The following NFASC variants were observed in gnomAD, a reference collection of about 807,000 sequenced individuals.
The protein encoded by NFASC is neurofascin homolog.
A neutral mutation model predicts 147.5 loss-of-function variants in NFASC; 43 were observed. The observed-to-expected ratio is 0.29, with a 90% CI of 0.23 to 0.38. The LOEUF is 0.38. Among genes scored for constraint, NFASC ranks in the 10% least tolerant of loss-of-function variants. The probability of loss-of-function intolerance (pLI) is 1.00; values close to 1 mark genes in which losing one functional copy is unlikely to be tolerated. For missense variants in NFASC, 1,320 were observed against 1,689.0 expected (o/e 0.78, Z 3.83); for synonymous variants, 622 against 665.5 (o/e 0.93, Z 1.01).
chr1:204,996,180 C>A (rs2095842674), intron 24 of NFASC, among the ~76,000 whole-genome samples: 1 of 152,178 alleles, frequency 6.6e-6, no homozygotes, highest in Admixed American at 6.5e-5. Flanking sequence ...CCCAAGCTGA[C>A]CAACATCCAA....
At chr1:204,876,129 C>T (rs2078742418) in intron 1 of NFASC, among the ~76,000 whole-genome samples, 1 of 152,088 alleles carries the variant, frequency 6.6e-6, no homozygotes, top group Non-Finnish European at 1.5e-5. Context: ...GGTTTTTTCT[C>T]AACTTTGAAA....
intron 1 of NFASC, among the ~76,000 whole-genome samples, chr1:204,891,505 A>G (rs1455286592): frequency 6.6e-6 from 1 of 152,152 alleles, no homozygotes; most frequent in Non-Finnish European, 1.5e-5. Flanking sequence ...GCTAGAAGCA[A>G]GAGGTGCAGG....
At chr1:204,946,786 C>A (rs2093776503) in intron 3 of NFASC, 2 of 514,144 alleles carry the variant, frequency 3.9e-6, no homozygotes, top group Admixed American at 2.0e-5. Context: ...AGGCCCCCAC[C>A]ATCCCTGGGC....
In NFASC at chr1:204,830,018, T is replaced by TGTGTGTGC. The variant is rs1353905656; in HGVS notation, c.-200+1243_-200+1244insCGTGTGTG. Among the ~76,000 whole-genome samples the TGTGTGTGC allele has an allele frequency of 1.3e-3, 196 of 146,224 alleles. 1 individual carries two copies. The highest frequency in any genetic ancestry group is 4.7e-3 in the African/African-American group (188 of 40,240). Reference sequence around the variant, plus strand: ...CATTTTGGCATGGGGTGTGTGTGTGTGTGTGTGTGTGTGTGTGTGTGTGTG... The same window carrying TGTGTGTGC: ...CATTTTGGCATGGGGTGTGTGTGTGTGTGTGTGCGTGTGTGTGTGTGTGTGTGTGTGTG... On this transcript the variant is annotated intron_variant, in intron 1 of 29. Coordinates refer to ENST00000339876, the MANE Select transcript of NFASC (RefSeq NM_001005388.3).
intron 24 of NFASC, among the ~76,000 whole-genome samples, chr1:204,996,114 T>A (rs914136385): frequency 2.0e-5 from 3 of 152,070 alleles, no homozygotes; most frequent in Non-Finnish European, 2.9e-5. Flanking sequence ...TCCATGACCT[T>A]CTATATCAGG....
At position 204,997,349 on chromosome 1, in the gene NFASC, A is replaced by ACCACCACCAAGGAGAGTCCTC. The variant is rs1383136262; in HGVS notation, c.2971_2972insAGGAGAGTCCTCCCACCACCA (p.Thr990_Thr991insLysGluSerProProThrThr). 3.2e-6 allele frequency: 5 copies of ACCACCACCAAGGAGAGTCCTC among 1,558,188 alleles called. No individual in the cohort carries two copies. The Admixed American group carries it at 7.8e-5, about 24-fold the overall frequency. On this transcript the variant is annotated inframe_insertion, in exon 25 of 30. Coordinates refer to ENST00000339876, the MANE Select transcript of NFASC (RefSeq NM_001005388.3). ...AACTACTACAACCACTGCTGCCGCC[A>ACCACCACCAAGGAGAGTCCTC]CCACCACCACGGAGAGTCCTCCCAC...
chr1:204,954,361 A>G lies in NFASC; in HGVS notation c.389A>G (p.Asn130Ser), dbSNP rs376957828. 7 of 1,614,124 alleles carry G rather than the reference A, an allele frequency of 4.3e-6. No individual in the cohort carries two copies. The highest frequency in any genetic ancestry group is 1.1e-5 in the South Asian group (1 of 91,078). ...AACAAATTTGGCACGGCCCTGTCCA[A>G]TAGGATCCGCCTGCAGGTGTCTAGT... ...ARNKFGTALS[N>S]RIRLQVSKSP... is the part of the protein sequence containing the mutation. Residue 130 changes from asparagine (N) to serine (S), a missense_variant, in exon 6 of 30, where the codon AAT becomes AGT. Asn to Ser is a conservative substitution (Grantham distance 46). Transcript: ENST00000339876. This position sits in a 1 kb window ranked among gnomAD's most constrained non-coding sequence, Gnocchi z 5.7.
chr1:204,925,528 C>CTGCTTTG (rs1241576434), intron 2 of NFASC, among the ~76,000 whole-genome samples: 1 of 152,182 alleles, frequency 6.6e-6, no homozygotes, highest in Non-Finnish European at 1.5e-5. Flanking sequence ...CAGCCCTGTT[C>CTGCTTTG]TGCTTTGAGT....
chr1:204,890,397 C>G (rs1032949811), intron 1 of NFASC, among the ~76,000 whole-genome samples: 13 of 152,134 alleles, frequency 8.5e-5, no homozygotes, highest in Admixed American at 7.9e-4. Context: ...TGGGGGCAAC[C>G]AACCCCATCC....
intron 2 of NFASC, among the ~76,000 whole-genome samples, chr1:204,925,025 G>A (rs1317309593): frequency 6.6e-6 from 1 of 152,100 alleles, no homozygotes; most frequent in African/African-American, 2.4e-5. Context: ...ACAGGTGCCC[G>A]CCACATGGCT....
chr1:204,946,823 C>G (rs558754382), intron 3 of NFASC: 26 of 499,344 alleles, frequency 5.2e-5, no homozygotes, highest in African/African-American at 4.7e-4. Flanking sequence ...CGGCAGACCC[C>G]ACGGGGCATG....
intron 1 of NFASC, 63 bp from the exon 2 acceptor site, chr1:204,920,569 C>CTT: frequency 1.7e-5 from 13 of 786,954 alleles, no homozygotes; most frequent in African/African-American, 1.9e-5. Flanking sequence ...ACCACAAAGG[C>CTT]TTTTTTTTTT....
At chr1:204,958,665 A>G (rs529979251) in intron 8 of NFASC, among the ~76,000 whole-genome samples, 10 of 152,314 alleles carry the variant, frequency 6.6e-5, no homozygotes, top group Middle Eastern at 3.4e-3. Context: ...GAGCCCCCCA[A>G]AAAACAGACC....
rs377496207 is a variant in NFASC, at chr1:204,869,493, A to G, written c.-200+40711A>G. On this transcript the variant is annotated intron_variant, in intron 1 of 29. Coordinates refer to ENST00000339876, the MANE Select transcript of NFASC (RefSeq NM_001005388.3). ...TTCCATTTGATTAAAATATTTTACT[A>G]TATTATTTTATCATTTTGATAAAAT... Among the ~76,000 whole-genome samples, 111 of 152,294 alleles carry G rather than the reference A, an allele frequency of 7.3e-4. No homozygotes were observed. The South Asian group carries it at 0.019, about 26-fold the overall frequency.
intron 1 of NFASC, among the ~76,000 whole-genome samples, chr1:204,879,157 A>C (rs958887108): frequency 1.3e-5 from 2 of 152,224 alleles, no homozygotes; most frequent in Non-Finnish European, 2.9e-5. Context: ...TTATTTTGTA[A>C]ATGAAATTTA....
chr1:204,893,705 G>A (rs771515919), intron 1 of NFASC, among the ~76,000 whole-genome samples: 3 of 152,198 alleles, frequency 2.0e-5, no homozygotes, highest in Non-Finnish European at 4.4e-5. Flanking sequence ...ACTGTATTGC[G>A]CTAACTCAAG....
At chr1:204,875,682 C>A (rs1364907181) in intron 1 of NFASC, among the ~76,000 whole-genome samples, 1 of 152,114 alleles carries the variant, frequency 6.6e-6, no homozygotes, top group Non-Finnish European at 1.5e-5. Context: ...CCCACCACGC[C>A]CCTCAGGTCC....
intron 3 of NFASC, among the ~76,000 whole-genome samples, chr1:204,948,106 C>T (rs962195450): frequency 6.6e-6 from 1 of 152,204 alleles, no homozygotes; most frequent in Non-Finnish European, 1.5e-5. Context: ...GTATCAGAGC[C>T]AGGGAAAGAA....
rs907523281 is a variant in NFASC, at chr1:205,019,226, A to C, written c.*2687A>C. Reference sequence around the variant, plus strand: ...GCATTTTCCATGGAGCCCATGTCAGAGTCCACTCCAGCTCAGCAGGAAAGT... The same window carrying C: ...GCATTTTCCATGGAGCCCATGTCAGCGTCCACTCCAGCTCAGCAGGAAAGT... On this transcript the variant is annotated 3_prime_UTR_variant, in exon 30 of 30. Transcript: ENST00000339876. 1.3e-5 allele frequency: 2 copies of C among 152,324 alleles called. No individual in the cohort carries two copies. Among genetic ancestry groups the C allele is most frequent in the Non-Finnish European group, 2.9e-5 (2 of 68,084 alleles). 9.4% of individuals were successfully genotyped at this position (152,324 alleles called of 1,614,324 possible).
Sources: gnomAD v4.1 joint callset for allele counts (sites outside exome capture counted in the v4.1 genomes callset) on GRCh38, gnomAD v4.1.1 for gene constraint, Gnocchi (gnomAD v3.1) non-coding constraint, MANE v1.5 for transcripts, NCBI Gene and HGNC (gene_info 2026-07-23, HGNC 2026-07-21) for gene names.